RELN: variants seen among roughly 807,000 people sequenced by gnomAD.
RELN encodes reelin.
Under a neutral mutation model 427.6 loss-of-function variants are expected in RELN, and 108 were observed. The observed-to-expected ratio is 0.25, with a 90% confidence interval of 0.22 to 0.30. RELN has a LOEUF of 0.30. RELN is among the 10% of genes least tolerant of loss of function. RELN has a pLI of 1.00. For missense variants in RELN, 3,715 were observed against 4,302.8 expected (o/e 0.86, Z 3.82); for synonymous variants, 1,524 against 1,513.4 (o/e 1.01, Z -0.16).
intron 8 of RELN, among the ~76,000 whole-genome samples, chr7:103,708,804 CTGT>C (rs766513139): frequency 6.6e-6 from 1 of 152,116 alleles, no homozygotes; most frequent in Non-Finnish European, 1.5e-5. Flanking sequence ...ATTCGGGCCT[CTGT>C]TTAATGGTCA....
rs911938625 is a variant in RELN, at chr7:103,989,003, C to T, written c.226+128G>A. The stretch of plus-strand genomic sequence containing the variant: ...CTTTATTCTCGCTCCCTGGACCAAG[C>T]GCATCGCTGGGGCCAGGGTTGTCAT... On this transcript the variant is annotated intron_variant, in intron 1 of 64. Coordinates refer to ENST00000428762, the MANE Select transcript of RELN (RefSeq NM_005045.4). This position sits in a 1 kb window ranked among gnomAD's most constrained non-coding sequence, Gnocchi z 4.9. The T allele has an allele frequency of 1.2e-6, 1 of 805,000 alleles. No homozygotes were observed. The highest frequency in any genetic ancestry group is 2.1e-6 in the Non-Finnish European group (1 of 477,162). 49.9% of individuals were successfully genotyped at this position (805,000 alleles called of 1,614,324 possible). A position where few individuals can be genotyped will look rare whatever the true frequency, so the allele number is the denominator to read the frequency against.
At chr7:103,685,434 G>T (rs1412308124) in intron 10 of RELN, among the ~76,000 whole-genome samples, 7 of 152,030 alleles carry the variant, frequency 4.6e-5, no homozygotes, top group African/African-American at 1.7e-4. Flanking sequence ...AAATCTACTA[G>T]GTTTTCTTTA....
At chr7:103,871,803 T>A (rs1016274333) in intron 2 of RELN, among the ~76,000 whole-genome samples, 1 of 152,076 alleles carries the variant, frequency 6.6e-6, no homozygotes, top group African/African-American at 2.4e-5. Context: ...ATGGTATCAG[T>A]TCCTCTTTGG....
chr7:103,863,646 G>C (rs1482748170), intron 2 of RELN, among the ~76,000 whole-genome samples: 1 of 152,116 alleles, frequency 6.6e-6, no homozygotes, highest in Non-Finnish European at 1.5e-5. Flanking sequence ...GGCTGAAAGA[G>C]AGGGCATCCA....
At chr7:103,970,388 G>A (rs1409937571) in intron 1 of RELN, among the ~76,000 whole-genome samples, 4 of 151,988 alleles carry the variant, frequency 2.6e-5, no homozygotes, top group South Asian at 2.1e-4. Flanking sequence ...AAGTGAATTC[G>A]CCCACCTGGG....
At chr7:103,879,107 CTT>C (rs1279671190) in intron 2 of RELN, among the ~76,000 whole-genome samples, 2 of 152,168 alleles carry the variant, frequency 1.3e-5, no homozygotes, top group Non-Finnish European at 2.9e-5. Context: ...AGGAGTATAA[CTT>C]TATGGTTAAG....
chr7:103,718,690 C>T (rs1324408747), intron 8 of RELN, among the ~76,000 whole-genome samples: 2 of 152,142 alleles, frequency 1.3e-5, no homozygotes, highest in East Asian at 3.9e-4. Flanking sequence ...TTACTTGTCA[C>T]TCAGGGAAGC....
chr7:103,628,222 T>G (rs952453850), intron 20 of RELN: 1 of 152,216 alleles, frequency 6.6e-6, no homozygotes, highest in African/African-American at 2.4e-5. Flanking sequence ...GTTTATCTTC[T>G]TTAAAGTCTC....
At chr7:103,888,201 T>A (rs904121285) in intron 2 of RELN, among the ~76,000 whole-genome samples, 1 of 151,302 alleles carries the variant, frequency 6.6e-6, no homozygotes, top group African/African-American at 2.4e-5. Flanking sequence ...CAAACTGACA[T>A]CTGGACCTGA....
At chr7:103,936,225 T>G (rs760699144) in intron 1 of RELN, among the ~76,000 whole-genome samples, 9 of 152,010 alleles carry the variant, frequency 5.9e-5, no homozygotes, top group Non-Finnish European at 1.2e-4. Flanking sequence ...CCCAAGTAGC[T>G]GGGATAATAG....
intron 16 of RELN, among the ~76,000 whole-genome samples, chr7:103,649,366 G>A (rs1394248118): frequency 6.6e-6 from 1 of 151,956 alleles, no homozygotes; most frequent in African/African-American, 2.4e-5. Flanking sequence ...ACTTATAAGC[G>A]GGAGCTAAAT....
At chr7:103,727,173 T>C (rs1790232717) in intron 7 of RELN, among the ~76,000 whole-genome samples, 1 of 152,114 alleles carries the variant, frequency 6.6e-6, no homozygotes, top group Admixed American at 6.6e-5. Flanking sequence ...AAGTCAGTCT[T>C]TTGACAACTT....
chr7:103,501,773 G>A (rs1829037375), intron 52 of RELN, among the ~76,000 whole-genome samples: 1 of 152,054 alleles, frequency 6.6e-6, no homozygotes, highest in South Asian at 2.1e-4. Context: ...CATCATGGTG[G>A]GTCCCCAGCA....
At chr7:103,701,822 A>G (rs1294004571) in intron 8 of RELN, among the ~76,000 whole-genome samples, 2 of 151,902 alleles carry the variant, frequency 1.3e-5, no homozygotes, top group Non-Finnish European at 2.9e-5. Flanking sequence ...AAATGAATGA[A>G]CCAAAACAAA....
At chr7:103,846,802 C>G (rs545718136) in intron 2 of RELN, among the ~76,000 whole-genome samples, 4 of 151,988 alleles carry the variant, frequency 2.6e-5, no homozygotes, top group African/African-American at 9.6e-5. Flanking sequence ...TTCATGTGGT[C>G]AACAAATATA....
chr7:103,839,906 C>A (rs1793509938), intron 2 of RELN, among the ~76,000 whole-genome samples: 1 of 152,148 alleles, frequency 6.6e-6, no homozygotes, highest in Non-Finnish European at 1.5e-5. Flanking sequence ...GGGGGACAAA[C>A]CTGGTGGGAG....
chr7:103,941,628 G>GA (rs1053881815), intron 1 of RELN, among the ~76,000 whole-genome samples: 5 of 152,064 alleles, frequency 3.3e-5, no homozygotes, highest in Non-Finnish European at 5.9e-5. Flanking sequence ...AAATGTTCTA[G>GA]AAAAAAGATA....
intron 5 of RELN, among the ~76,000 whole-genome samples, chr7:103,751,298 T>C (rs1346685277): frequency 1.3e-5 from 2 of 152,236 alleles, no homozygotes; most frequent in African/African-American, 4.8e-5. Flanking sequence ...AATATAATTC[T>C]CTGAAATCAC....
intron 11 of RELN, among the ~76,000 whole-genome samples, chr7:103,679,967 G>T (rs1228972282): frequency 3.3e-5 from 5 of 152,068 alleles, no homozygotes; most frequent in Non-Finnish European, 7.4e-5. Context: ...GAGCTGAATG[G>T]ACTATTCATT....
Sources: gnomAD v4.1 joint callset for allele counts (sites outside exome capture counted in the v4.1 genomes callset) on GRCh38, gnomAD v4.1.1 for gene constraint, Gnocchi (gnomAD v3.1) non-coding constraint, MANE v1.5 for transcripts, NCBI Gene and HGNC (gene_info 2026-07-23, HGNC 2026-07-21) for gene names.